The following CREB5 variants were observed in gnomAD, a reference collection of about 807,000 sequenced individuals.
The protein encoded by CREB5 is cyclic AMP-responsive element-binding protein 5.
In CREB5, 19 loss-of-function variants were observed where a neutral mutation model predicts 57.1. The ratio of observed to expected loss-of-function variants is 0.33; its 90% CI spans 0.23 to 0.49. The LOEUF (loss-of-function observed/expected upper bound fraction) is 0.49, where lower values mean the gene tolerates loss of function less well. CREB5 is among the 20% of genes least tolerant of loss of function. CREB5 has a pLI of 0.99. For synonymous variants in CREB5, 238 were observed against 238.3 expected (o/e 1.00, Z 0.01); for missense variants, 579 against 671.6 (o/e 0.86, Z 1.52).
rs182306697 is a variant in CREB5 at position 28,398,263 on chromosome 7, G to A, written c.-24-96643G>A. The stretch of plus-strand genomic sequence containing the variant: ...TTTTAGTGTTTGCTTTTTGTGTCGG[G>A]CCTCATGAGTAGAGCGCTCCATGGT... On this transcript the variant is annotated intron_variant, in intron 1 of 9. Transcript: ENST00000396299. 4.3e-4 allele frequency among the ~76,000 whole-genome samples: 65 copies of A among 152,176 alleles called. 2 individuals carry two copies. Among genetic ancestry groups the A allele is most frequent in the Middle Eastern group, 6.8e-3 (2 of 294 alleles).
At chr7:28,343,378 A>C (rs959120083) in intron 1 of CREB5, among the ~76,000 whole-genome samples, 1 of 151,964 alleles carries the variant, frequency 6.6e-6, no homozygotes. Flanking sequence ...CCTGGTAACC[A>C]CTTTTCTGTT....
chr7:28,527,996 T>C (rs1052161018), intron 4 of CREB5, among the ~76,000 whole-genome samples: 3 of 152,244 alleles, frequency 2.0e-5, no homozygotes, highest in Non-Finnish European at 4.4e-5. Flanking sequence ...CATGTTTATC[T>C]ACCTTGCAAA....
intron 7 of CREB5, among the ~76,000 whole-genome samples, chr7:28,760,028 C>T (rs1366223628): frequency 6.6e-6 from 1 of 152,138 alleles, no homozygotes; most frequent in African/African-American, 2.4e-5. Flanking sequence ...TCTGATGCCC[C>T]CTTCATTAGC....
At chr7:28,402,253 G>A (rs1286246311) in intron 1 of CREB5, among the ~76,000 whole-genome samples, 1 of 152,046 alleles carries the variant, frequency 6.6e-6, no homozygotes, top group Non-Finnish European at 1.5e-5. Flanking sequence ...ACTTTTTGAT[G>A]GGGTTCTTTG....
At chr7:28,565,412 A>G (rs1051865169) in intron 4 of CREB5, among the ~76,000 whole-genome samples, 1 of 152,150 alleles carries the variant, frequency 6.6e-6, no homozygotes, top group African/African-American at 2.4e-5. Flanking sequence ...GTATCACCCC[A>G]TTAGGAGTGA....
At chr7:28,348,072 G>T (rs1018509541) in intron 1 of CREB5, among the ~76,000 whole-genome samples, 7 of 152,030 alleles carry the variant, frequency 4.6e-5, no homozygotes, top group Non-Finnish European at 7.4e-5. Context: ...GTTGGGCATG[G>T]GCTATGTTCA....
At chr7:28,804,586 G>A in intron 8 of CREB5, 64 bp downstream of exon 8, 1 of 1,555,748 alleles carries the variant, frequency 6.4e-7, no homozygotes, top group Non-Finnish European at 8.8e-7. Context: ...AAGCTCTAAT[G>A]CTGGGGTCAT....
chr7:28,344,044 T>C (rs1021712123), intron 1 of CREB5, among the ~76,000 whole-genome samples: 1 of 151,988 alleles, frequency 6.6e-6, no homozygotes, highest in South Asian at 2.1e-4. Context: ...ATGTTTTAAT[T>C]GATTTTTTTT....
At chr7:28,572,704 C>T (rs1795750449) in intron 5 of CREB5, among the ~76,000 whole-genome samples, 1 of 152,058 alleles carries the variant, frequency 6.6e-6, no homozygotes, top group South Asian at 2.1e-4. Flanking sequence ...CTTTTGAGGG[C>T]TAGCAATAAA....
chr7:28,551,639 G>A (rs1224944396), intron 4 of CREB5, among the ~76,000 whole-genome samples: 1 of 152,134 alleles, frequency 6.6e-6, no homozygotes, highest in Non-Finnish European at 1.5e-5. Context: ...TAAAAGTGGT[G>A]GAAAAAAGAA....
intron 1 of CREB5, among the ~76,000 whole-genome samples, chr7:28,398,681 C>T (rs1167655550): frequency 6.6e-6 from 1 of 152,120 alleles, no homozygotes; most frequent in Non-Finnish European, 1.5e-5. Flanking sequence ...ATTTATGCAA[C>T]TATATTATTT....
intron 1 of CREB5, among the ~76,000 whole-genome samples, chr7:28,479,944 C>A (rs186746087): frequency 9.9e-5 from 15 of 152,150 alleles, no homozygotes; most frequent in African/African-American, 3.6e-4. Flanking sequence ...TTGAGTATGA[C>A]TTCAGCCCGT....
At chr7:28,662,491 T>G (rs1799649477) in intron 5 of CREB5, among the ~76,000 whole-genome samples, 1 of 152,182 alleles carries the variant, frequency 6.6e-6, no homozygotes, top group Non-Finnish European at 1.5e-5. Flanking sequence ...CTCAAACCCG[T>G]GCAGTGCAGG....
intron 5 of CREB5, among the ~76,000 whole-genome samples, chr7:28,649,088 A>G (rs988100457): frequency 6.6e-6 from 1 of 152,234 alleles, no homozygotes. Context: ...ACATAAATAA[A>G]TTATAAAGGT....
intron 9 of CREB5, among the ~76,000 whole-genome samples, chr7:28,816,278 T>C (rs1383141311): frequency 6.6e-6 from 1 of 152,224 alleles, no homozygotes; most frequent in Admixed American, 6.5e-5. Flanking sequence ...AGTTAGTGTT[T>C]AAGGCTAAAA....
chr7:28,635,119 G>A (rs1404277769), intron 5 of CREB5, among the ~76,000 whole-genome samples: 1 of 152,116 alleles, frequency 6.6e-6, no homozygotes, highest in African/African-American at 2.4e-5. Flanking sequence ...CTTCTAGTTA[G>A]TAGAGAAGCT....
chr7:28,385,617 C>T (rs917807169), intron 1 of CREB5, among the ~76,000 whole-genome samples: 2 of 150,682 alleles, frequency 1.3e-5, no homozygotes, highest in Non-Finnish European at 2.9e-5. Context: ...GTGGAGGCTG[C>T]AGTGAGCCAT....
At chr7:28,557,719 A>C (rs1446030256) in intron 4 of CREB5, among the ~76,000 whole-genome samples, 1 of 152,180 alleles carries the variant, frequency 6.6e-6, no homozygotes, top group Non-Finnish European at 1.5e-5. Flanking sequence ...AACTGGGGAT[A>C]TGTGGGAAGA....
chr7:28,600,591 C>T (rs1200672403), intron 5 of CREB5, among the ~76,000 whole-genome samples: 2 of 152,054 alleles, frequency 1.3e-5, no homozygotes, highest in East Asian at 3.9e-4. Context: ...ATTATGCAGG[C>T]CAGACAGACT....
Sources: gnomAD v4.1 joint callset for allele counts (sites outside exome capture counted in the v4.1 genomes callset) on GRCh38, gnomAD v4.1.1 for gene constraint, MANE v1.5 for transcripts, NCBI Gene and HGNC (gene_info 2026-07-23, HGNC 2026-07-21) for gene names.